The following NSMCE2 variants were observed in gnomAD, a reference collection of about 807,000 sequenced individuals.
NSMCE2 encodes the protein E3 SUMO-protein ligase NSE2.
Under a neutral mutation model 23.8 loss-of-function variants are expected in NSMCE2, and 24 were observed. The ratio of observed to expected loss-of-function variants is 1.01; its 90% CI spans 0.73 to 1.42. The LOEUF (loss-of-function observed/expected upper bound fraction) is 1.42, where lower values mean the gene tolerates loss of function less well. Ranked by LOEUF, NSMCE2 falls within the 40% of genes most tolerant of loss-of-function variation. The probability of loss-of-function intolerance (pLI) is 0.00; values close to 1 mark genes in which losing one functional copy is unlikely to be tolerated. For missense variants in NSMCE2, 284 were observed against 296.5 expected, an observed-to-expected ratio of 0.96 and a Z score of 0.31; for synonymous variants, 92 against 94.1, an observed-to-expected ratio of 0.98 and a Z score of 0.13.
intron 5 of NSMCE2, among the ~76,000 whole-genome samples, chr8:125,316,617 ATTTCCTTCTTTCCTTTCTTTATTTCCTTC>A (rs201886627): frequency 0.47 from 58,507 of 125,342 alleles, 14,657 homozygotes; most frequent in Middle Eastern, 0.58. Context: ...TCCTTTCTTT[ATTTCCTTCTTTCCTTTCTTTATTTCCTTC>A]TTTCCTTCTT....
intron 7 of NSMCE2, among the ~76,000 whole-genome samples, chr8:125,363,816 G>T (rs1813671476): frequency 6.6e-6 from 1 of 152,146 alleles, no homozygotes; most frequent in Admixed American, 6.6e-5. Flanking sequence ...TTGCCCTAAT[G>T]CAAAGCCAAA....
intron 3 of NSMCE2, among the ~76,000 whole-genome samples, chr8:125,104,452 C>A (rs1563651788): frequency 1.3e-5 from 2 of 152,188 alleles, no homozygotes; most frequent in African/African-American, 4.8e-5. Context: ...CATGGCCCTT[C>A]TGGAGTCTCT....
intron 5 of NSMCE2, among the ~76,000 whole-genome samples, chr8:125,236,795 A>G (rs1234346641): frequency 6.6e-6 from 1 of 150,764 alleles, no homozygotes; most frequent in Non-Finnish European, 1.5e-5. Flanking sequence ...CACTTGGTAC[A>G]CTATCTTTCT....
intron 5 of NSMCE2, among the ~76,000 whole-genome samples, chr8:125,351,610 T>A (rs574095333): frequency 6.6e-6 from 1 of 152,188 alleles, no homozygotes; most frequent in Non-Finnish European, 1.5e-5. Flanking sequence ...TTTCTACTTA[T>A]AGTTAGGAAA....
At chr8:125,148,196 G>GCCCAGGAGAA (rs1820796267) in intron 3 of NSMCE2, among the ~76,000 whole-genome samples, 3 of 152,174 alleles carry the variant, frequency 2.0e-5, no homozygotes, top group Admixed American at 1.3e-4. Flanking sequence ...CTGAACTGAG[G>GCCCAGGAGAA]CTGCCTGTAA....
chr8:125,250,229 A>C (rs1826149217), intron 5 of NSMCE2, among the ~76,000 whole-genome samples: 1 of 152,128 alleles, frequency 6.6e-6, no homozygotes, highest in Admixed American at 6.5e-5. Context: ...ACCTTGGGTG[A>C]TCCGCCTGCC....
intron 5 of NSMCE2, among the ~76,000 whole-genome samples, chr8:125,298,089 C>T (rs111570662): frequency 0.11 from 16,688 of 151,878 alleles, 1,321 homozygotes; most frequent in African/African-American, 0.22. Context: ...GGTGAAACCC[C>T]GTCTCTACTA....
intron 5 of NSMCE2, among the ~76,000 whole-genome samples, chr8:125,212,239 T>A (rs1824380347): frequency 6.6e-6 from 1 of 152,194 alleles, no homozygotes; most frequent in African/African-American, 2.4e-5. Flanking sequence ...ACATATTCAT[T>A]TAAAGGTATC....
At chr8:125,106,696 A>G (rs1390714464) in intron 3 of NSMCE2, among the ~76,000 whole-genome samples, 1 of 150,676 alleles carries the variant, frequency 6.6e-6, no homozygotes, top group African/African-American at 2.4e-5. Flanking sequence ...AAAAAAAAAA[A>G]CAAACAACTT....
chr8:125,203,745 C>T (rs1823989761), intron 5 of NSMCE2, among the ~76,000 whole-genome samples: 1 of 152,062 alleles, frequency 6.6e-6, no homozygotes, highest in African/African-American at 2.4e-5. Context: ...CTTGAGATTA[C>T]AAGGTCCTAG....
chr8:125,366,625 A>G, intron 7 of NSMCE2, 143 bp from the exon 8 acceptor site: 1 of 639,460 alleles, frequency 1.6e-6, no homozygotes, highest in Non-Finnish European at 2.8e-6. Context: ...GGACTCAGTG[A>G]ATAAATGAAT....
At chr8:125,351,354 A>T (rs912877481) in intron 5 of NSMCE2, 2 of 143,190 alleles carry the variant, frequency 1.4e-5, no homozygotes, top group African/African-American at 2.6e-5. Flanking sequence ...TTTGTGACAT[A>T]AAAAAAAAAA....
At chr8:125,312,451 C>CT (rs1369792129) in intron 5 of NSMCE2, among the ~76,000 whole-genome samples, 2 of 152,048 alleles carry the variant, frequency 1.3e-5, no homozygotes, top group Non-Finnish European at 2.9e-5. Flanking sequence ...TGGTGAAACT[C>CT]TGTCTCTACT....
At chr8:125,209,928 A>G (rs1177213098) in intron 5 of NSMCE2, among the ~76,000 whole-genome samples, 1 of 152,232 alleles carries the variant, frequency 6.6e-6, no homozygotes, top group Non-Finnish European at 1.5e-5. Flanking sequence ...GAGATAACAC[A>G]TGAAAGTATT....
intron 5 of NSMCE2, among the ~76,000 whole-genome samples, chr8:125,259,453 A>G (rs1269857033): frequency 1.3e-5 from 2 of 152,126 alleles, no homozygotes. Context: ...ATGAAAATCT[A>G]ACTAATGCCT....
At chr8:125,180,594 A>G (rs1043755851) in intron 4 of NSMCE2, among the ~76,000 whole-genome samples, 1 of 152,264 alleles carries the variant, frequency 6.6e-6, no homozygotes, top group Admixed American at 6.5e-5. Flanking sequence ...AGTATATGCT[A>G]CTGACTAGAA....
At chr8:125,264,217 T>C (rs1461900124) in intron 5 of NSMCE2, among the ~76,000 whole-genome samples, 1 of 152,226 alleles carries the variant, frequency 6.6e-6, no homozygotes, top group East Asian at 1.9e-4. Context: ...GAGTGTGAAT[T>C]TCATTGACAT....
rs538754643 is a variant in NSMCE2 at position 125,225,046 on chromosome 8, C to T, written c.418+42790C>T. ...AGTACTTTTGCTAAAGTCTGTGTTT[C>T]TAAAACAAAGTGCCTTCATCCAGTG... On this transcript the variant is annotated intron_variant, in intron 5 of 7. Coordinates refer to ENST00000287437, the MANE Select transcript of NSMCE2 (RefSeq NM_173685.4). 1.7e-4 allele frequency among the ~76,000 whole-genome samples: 26 copies of T among 152,270 alleles called. No individual in the cohort carries two copies. In the South Asian group the frequency reaches 2.3e-3, roughly 13 times the overall value.
At chr8:125,180,214 CCTTT>C (rs1450552088) in intron 4 of NSMCE2, among the ~76,000 whole-genome samples, 1 of 152,118 alleles carries the variant, frequency 6.6e-6, no homozygotes, top group Admixed American at 6.6e-5. Flanking sequence ...TATTATATTG[CCTTT>C]CTATCTTCTC....
Sources: gnomAD v4.1 joint callset for allele counts (sites outside exome capture counted in the v4.1 genomes callset) on GRCh38, gnomAD v4.1.1 for gene constraint, MANE v1.5 for transcripts, NCBI Gene and HGNC (gene_info 2026-07-23, HGNC 2026-07-21) for gene names.